Variants in APBB1IP observed in about 807,000 individuals in gnomAD.
APBB1IP encodes the protein amyloid beta precursor protein binding family B member 1 interacting protein.
A neutral mutation model predicts 64.9 loss-of-function variants in APBB1IP; 27 were observed. That is an observed-to-expected ratio of 0.42 (90% CI 0.31 to 0.57). APBB1IP has a LOEUF of 0.57. Among genes scored for constraint, APBB1IP ranks in the 20% least tolerant of loss-of-function variants. The pLI is 0.20. For synonymous variants in APBB1IP, 392 were observed against 331.0 expected (o/e 1.18, Z -2.00); for missense variants, 812 against 845.5 (o/e 0.96, Z 0.49).
At position 26,560,813 on chromosome 10, in the gene APBB1IP, C is replaced by T; in HGVS notation, c.1338C>T (p.Val446=). The change falls in exon 13 of 15, where the codon GTC becomes GTT. Residue 446 remains valine, a synonymous_variant. Transcript: ENST00000376236. The part of the protein sequence containing the change: ...LASRWTNLGT[V]NAAAPAQPST... ...CTCGGTGGACAAACTTGGGGACAGT[C>T]AATGCAGCTGCACCAGCTCAGCCAT... 6.2e-7 allele frequency: 1 copy of T among 1,601,962 alleles called. No individual in the cohort carries two copies.
At chr10:26,529,931 G>A (rs909372350) in intron 8 of APBB1IP, among the ~76,000 whole-genome samples, 1 of 151,944 alleles carries the variant, frequency 6.6e-6, no homozygotes, top group Non-Finnish European at 1.5e-5. Context: ...GTGAGCCACC[G>A]CACCCGGGTT....
chr10:26,502,339 A>C (rs908080261), intron 5 of APBB1IP, among the ~76,000 whole-genome samples: 8 of 152,160 alleles, frequency 5.3e-5, no homozygotes, highest in African/African-American at 1.9e-4. Flanking sequence ...GTGAATTGTA[A>C]GTTTAAATTT....
intron 8 of APBB1IP, among the ~76,000 whole-genome samples, chr10:26,524,923 A>T (rs7904192): frequency 0.27 from 33,386 of 121,700 alleles, 4,524 homozygotes; most frequent in Middle Eastern, 0.37. Flanking sequence ...TAATCTATGC[A>T]TTTCTTTCTT....
chr10:26,486,261 G>A (rs1260402431), intron 2 of APBB1IP, among the ~76,000 whole-genome samples: 4 of 152,070 alleles, frequency 2.6e-5, no homozygotes, highest in Non-Finnish European at 4.4e-5. Context: ...TTGCAGCAAC[G>A]GTGGTGGTGA....
At chr10:26,540,559 G>T (rs1347961539) in intron 10 of APBB1IP, among the ~76,000 whole-genome samples, 2 of 152,056 alleles carry the variant, frequency 1.3e-5, no homozygotes, top group Non-Finnish European at 2.9e-5. Flanking sequence ...ACTTAAAAAT[G>T]TAAACTTTGA....
chr10:26,523,889 C>G (rs1046659570), intron 8 of APBB1IP, among the ~76,000 whole-genome samples: 8 of 152,268 alleles, frequency 5.3e-5, no homozygotes, highest in African/African-American at 1.9e-4. Flanking sequence ...GCTCAGGCTT[C>G]CCCATGGTTA....
chr10:26,511,501 G>A (rs1201466083), intron 6 of APBB1IP, among the ~76,000 whole-genome samples: 1 of 152,166 alleles, frequency 6.6e-6, no homozygotes, highest in East Asian at 1.9e-4. Flanking sequence ...CAGACTGCCT[G>A]TCTCTGAAGG....
At chr10:26,484,295 GTTTGT>G (rs58151960) in intron 2 of APBB1IP, among the ~76,000 whole-genome samples, 9,026 of 151,760 alleles carry the variant, frequency 0.059, 872 homozygotes, top group African/African-American at 0.2. Context: ...AGGACCACTT[GTTTGT>G]TTTGTTTTGT....
intron 11 of APBB1IP, among the ~76,000 whole-genome samples, chr10:26,547,461 GAC>G (rs1836780716): frequency 6.6e-6 from 1 of 151,872 alleles, no homozygotes; most frequent in South Asian, 2.1e-4. Flanking sequence ...GTTTTTTTGA[GAC>G]ACAGTTTCGC....
chr10:26,547,573 C>G (rs1344646000), intron 11 of APBB1IP, among the ~76,000 whole-genome samples: 3 of 152,108 alleles, frequency 2.0e-5, no homozygotes, highest in African/African-American at 7.2e-5. Flanking sequence ...TCCCGAGTAG[C>G]TGGGATTACA....
At chr10:26,457,060 G>A (rs1458631895) in intron 2 of APBB1IP, among the ~76,000 whole-genome samples, 1 of 152,112 alleles carries the variant, frequency 6.6e-6, no homozygotes, top group East Asian at 1.9e-4. Flanking sequence ...GGTTTTTTGG[G>A]TGTTTGTTTC....
chr10:26,567,281 G>C lies in APBB1IP; in HGVS notation c.1794G>C (p.Leu598=), dbSNP rs1837063155. 1 of 1,118,276 alleles carries C rather than the reference G, an allele frequency of 8.9e-7. No homozygotes were observed. 69.3% of individuals were successfully genotyped at this position (1,118,276 alleles called of 1,614,324 possible). ...ACGCAGGGATCGCGGGCTCAGAGCT[G>C]CCCCCGCCGCCGCCGCCGCCGCCCG... ...PSYAGIAGSE[L]PPPPPPPPAP... Residue 598 remains leucine (L), a synonymous_variant, in exon 15 of 15, where the codon CTG becomes CTC. Transcript: ENST00000376236.
chr10:26,500,791 A>C (rs922402395), intron 4 of APBB1IP, 28 bp from the exon 5 acceptor site: 3 of 1,580,204 alleles, frequency 1.9e-6, no homozygotes, highest in Admixed American at 1.8e-5. Context: ...ATAGGTTTTT[A>C]TACCATTAAT....
intron 2 of APBB1IP, among the ~76,000 whole-genome samples, chr10:26,471,065 TTATCATCACAC>T (rs1835710160): frequency 6.6e-6 from 1 of 152,174 alleles, no homozygotes; most frequent in African/African-American, 2.4e-5. Flanking sequence ...ATGAAATAGC[TTATCATCACAC>T]CTTTTCTAAA....
intron 9 of APBB1IP, among the ~76,000 whole-genome samples, chr10:26,533,737 A>G (rs1380332581): frequency 4.6e-5 from 7 of 152,224 alleles, no homozygotes; most frequent in Non-Finnish European, 8.8e-5. Context: ...GGCTTTAGAT[A>G]AATGAAGCTG....
intron 11 of APBB1IP, among the ~76,000 whole-genome samples, chr10:26,554,062 A>G (rs1223644165): frequency 6.6e-6 from 1 of 152,154 alleles, no homozygotes; most frequent in Non-Finnish European, 1.5e-5. Flanking sequence ...CGTAGTGGAC[A>G]GTCTCACCTT....
In APBB1IP at chr10:26,486,113, A is replaced by G. The variant is rs370832391; in HGVS notation, c.1-6214A>G. On this transcript the variant is annotated intron_variant, in intron 2 of 14. Coordinates refer to ENST00000376236, the MANE Select transcript of APBB1IP (RefSeq NM_019043.4). The stretch of plus-strand genomic sequence containing the variant: ...TAAAAAAATATAAATAAATTAAAAA[A>G]TAAAAGGCCCCGAATGGGACAAATT... Among the ~76,000 whole-genome samples, 10 of 152,268 alleles carry G rather than the reference A, an allele frequency of 6.6e-5. No homozygotes were observed. In the East Asian group the frequency reaches 1.2e-3, roughly 18 times the overall value.
chr10:26,507,238 A>T (rs565281707), intron 6 of APBB1IP, among the ~76,000 whole-genome samples: 2 of 152,314 alleles, frequency 1.3e-5, no homozygotes, highest in East Asian at 3.9e-4. Flanking sequence ...CACACCTCTA[A>T]TCTCAGCACT....
chr10:26,447,463 A>T (rs1835414838), intron 2 of APBB1IP, among the ~76,000 whole-genome samples: 1 of 152,074 alleles, frequency 6.6e-6, no homozygotes, highest in Non-Finnish European at 1.5e-5. Context: ...TGTGTAAAAC[A>T]CTTTAGCAGT....
Sources: allele counts gnomAD v4.1 joint callset (sites outside exome capture counted in the v4.1 genomes callset), GRCh38; gene constraint gnomAD v4.1.1; transcripts MANE v1.5; gene names NCBI Gene and HGNC (gene_info 2026-07-23, HGNC 2026-07-21).